PRKG1: variants seen among roughly 807,000 people sequenced by gnomAD.
PRKG1 encodes the protein protein kinase cGMP-dependent 1, also known as cGMP-dependent protein kinase 1.
A neutral mutation model predicts 88.1 loss-of-function variants in PRKG1; 35 were observed. That is an observed-to-expected ratio of 0.40 (90% CI 0.30 to 0.53). PRKG1 has a LOEUF of 0.53. Among genes scored for constraint, PRKG1 ranks in the 20% least tolerant of loss-of-function variants. The pLI, the probability that PRKG1 is intolerant of heterozygous loss-of-function variation, is 0.59. For synonymous variants in PRKG1, 303 were observed against 292.5 expected (o/e 1.04, Z -0.37); for missense variants, 540 against 839.8 (o/e 0.64, Z 4.41).
intron 5 of PRKG1, among the ~76,000 whole-genome samples, chr10:51,999,009 A>AT (rs5784898): frequency 0.075 from 11,355 of 152,196 alleles, 695 homozygotes; most frequent in East Asian, 0.3. Flanking sequence ...ACTTTCTAAC[A>AT]TTTTTTATTT....
At chr10:51,680,735 G>A (rs1589191529) in intron 3 of PRKG1, among the ~76,000 whole-genome samples, 2 of 152,152 alleles carry the variant, frequency 1.3e-5, no homozygotes, top group Admixed American at 6.5e-5. Context: ...CTTTCTAGAC[G>A]GTCTAGCCTT....
intron 5 of PRKG1, among the ~76,000 whole-genome samples, chr10:51,942,418 T>C (rs1797936530): frequency 6.6e-6 from 1 of 150,440 alleles, no homozygotes; most frequent in South Asian, 2.1e-4. Flanking sequence ...TTCACTCTGA[T>C]GGTAGTTTCT....
chr10:51,066,921 A>G (rs1028884026), intron 1 of PRKG1, among the ~76,000 whole-genome samples: 9 of 152,030 alleles, frequency 5.9e-5, no homozygotes, highest in Non-Finnish European at 8.8e-5. Flanking sequence ...CCTGGTTGCT[A>G]GCAGAGCTTT....
At chr10:51,268,308 A>T (rs899910084) in intron 2 of PRKG1, among the ~76,000 whole-genome samples, 1 of 152,168 alleles carries the variant, frequency 6.6e-6, no homozygotes, top group Non-Finnish European at 1.5e-5. Context: ...TTTGAGAGCA[A>T]CTGGTCTGAC....
rs141971381 is a variant in PRKG1, at chr10:51,802,301, A to G, written c.593-2284A>G. Among the ~76,000 whole-genome samples the G allele has an allele frequency of 6.8e-3, 1,036 of 152,324 alleles. 12 individuals are homozygous for G. Among genetic ancestry groups the G allele is most frequent in the African/African-American group, 0.021 (874 of 41,586 alleles). Reference sequence around the variant, plus strand: ...TGGTATCATGCCCAAGGTCATGGACAAATTTGCAATCTCATCAAGCTATGT... The same window carrying G: ...TGGTATCATGCCCAAGGTCATGGACGAATTTGCAATCTCATCAAGCTATGT... On this transcript the variant is annotated intron_variant, in intron 3 of 17. Coordinates refer to ENST00000373980, the MANE Select transcript of PRKG1 (RefSeq NM_006258.4).
chr10:51,108,651 C>G (rs956716805), intron 1 of PRKG1, among the ~76,000 whole-genome samples: 1 of 152,146 alleles, frequency 6.6e-6, no homozygotes, highest in Non-Finnish European at 1.5e-5. Context: ...AGTTACAAAA[C>G]CCCCACAGCT....
chr10:51,675,345 G>A (rs1307770175), intron 3 of PRKG1, among the ~76,000 whole-genome samples: 2 of 152,170 alleles, frequency 1.3e-5, no homozygotes, highest in Non-Finnish European at 2.9e-5. Flanking sequence ...ACAAATATGA[G>A]TGTACTGTAT....
chr10:51,908,291 T>G (rs1842129353), intron 5 of PRKG1: 1 of 152,150 alleles, frequency 6.6e-6, no homozygotes, highest in Admixed American at 6.6e-5. Context: ...AATTTCAAAC[T>G]TTTTCTCTAA....
intron 2 of PRKG1, among the ~76,000 whole-genome samples, chr10:51,393,608 A>G (rs1204225420): frequency 1.3e-5 from 2 of 152,232 alleles, no homozygotes; most frequent in African/African-American, 2.4e-5. Flanking sequence ...GATCATTAAC[A>G]CCATGGCAAA....
At chr10:51,030,132 G>A (rs1037560706) in intron 1 of PRKG1, among the ~76,000 whole-genome samples, 4 of 151,990 alleles carry the variant, frequency 2.6e-5, no homozygotes, top group Admixed American at 1.3e-4. Context: ...ATAAAAGGCT[G>A]TTGGATAATA....
chr10:51,112,222 A>G (rs1219055721), intron 1 of PRKG1, among the ~76,000 whole-genome samples: 1 of 152,162 alleles, frequency 6.6e-6, no homozygotes. Flanking sequence ...TACATTTAAT[A>G]CTTTTAAAAC....
At chr10:51,376,107 A>G (rs1842812326) in intron 2 of PRKG1, among the ~76,000 whole-genome samples, 1 of 152,192 alleles carries the variant, frequency 6.6e-6, no homozygotes, top group Non-Finnish European at 1.5e-5. Context: ...AAGCTGAGTG[A>G]TGCCTTGGGT....
At chr10:52,169,693 T>C (rs1475185030) in intron 9 of PRKG1, among the ~76,000 whole-genome samples, 1 of 152,184 alleles carries the variant, frequency 6.6e-6, no homozygotes, top group East Asian at 1.9e-4. Flanking sequence ...AATGGAGTGG[T>C]GGGGATGGAG....
intron 3 of PRKG1, among the ~76,000 whole-genome samples, chr10:51,699,753 C>G (rs895320799): frequency 1.3e-5 from 2 of 152,232 alleles, no homozygotes; most frequent in African/African-American, 4.8e-5. Flanking sequence ...CTTCATGGTT[C>G]TGTCAGCTTC....
At chr10:51,463,725 G>A (rs1839805648) in intron 2 of PRKG1, among the ~76,000 whole-genome samples, 1 of 152,106 alleles carries the variant, frequency 6.6e-6, no homozygotes. Flanking sequence ...CGGGTGAGAG[G>A]CCTAGTAAAT....
intron 2 of PRKG1, among the ~76,000 whole-genome samples, chr10:51,456,289 T>C (rs1246919855): frequency 6.6e-6 from 1 of 152,158 alleles, no homozygotes; most frequent in East Asian, 1.9e-4. Flanking sequence ...ACGTGGGAAT[T>C]GTGGGAGCTT....
intron 7 of PRKG1, among the ~76,000 whole-genome samples, chr10:52,106,368 G>A (rs146944897): frequency 0.01 from 1,525 of 152,258 alleles, 23 homozygotes; most frequent in African/African-American, 0.031. Context: ...TACTGTAAGT[G>A]TGTCCGATGT....
At chr10:51,544,801 T>C (rs1842405897) in intron 3 of PRKG1, among the ~76,000 whole-genome samples, 1 of 151,978 alleles carries the variant, frequency 6.6e-6, no homozygotes, top group South Asian at 2.1e-4. Context: ...AGGGCTAATA[T>C]CCAGAATCTA....
At chr10:51,066,688 A>G (rs1275166342) in intron 1 of PRKG1, among the ~76,000 whole-genome samples, 1 of 152,132 alleles carries the variant, frequency 6.6e-6, no homozygotes, top group Non-Finnish European at 1.5e-5. Flanking sequence ...ACAGTATGTA[A>G]TATTTTATGT....
Sources: gnomAD v4.1 joint callset for allele counts (sites outside exome capture counted in the v4.1 genomes callset) on GRCh38, gnomAD v4.1.1 for gene constraint, MANE v1.5 for transcripts, NCBI Gene and HGNC (gene_info 2026-07-23, HGNC 2026-07-21) for gene names.